The following UBA6 variants were observed in gnomAD, a reference collection of about 807,000 sequenced individuals.
The protein encoded by UBA6 is ubiquitin-like modifier-activating enzyme 6.
UBA6 carries 87 observed loss-of-function variants against 148.3 expected under a neutral mutation model. That is an observed-to-expected ratio of 0.59 (90% CI 0.49 to 0.70). The LOEUF is 0.70. UBA6 is among the 30% of genes least tolerant of loss of function. The pLI is 0.00. For synonymous variants in UBA6, 376 were observed against 401.0 expected (o/e 0.94, Z 0.75); for missense variants, 1,186 against 1,241.2 (o/e 0.96, Z 0.67).
At chr4:67,689,053 C>T (rs1386744724) in intron 2 of UBA6, among the ~76,000 whole-genome samples, 6 of 152,064 alleles carry the variant, frequency 3.9e-5, no homozygotes, top group Admixed American at 3.9e-4. Flanking sequence ...TCAGTAGAAA[C>T]CATACTTTGG....
chr4:67,682,285 A>C (rs1730462344), intron 2 of UBA6, 72 bp from the exon 3 acceptor site: 2 of 1,188,118 alleles, frequency 1.7e-6, no homozygotes, highest in Non-Finnish European at 2.5e-6. Flanking sequence ...AGTTGTTTGC[A>C]AACTAAAAGC....
At chr4:67,628,970 G>T in intron 27 of UBA6, 101 bp downstream of exon 27, 1 of 828,834 alleles carries the variant, frequency 1.2e-6, no homozygotes, top group Non-Finnish European at 2.1e-6. Flanking sequence ...AAGAGCAAGA[G>T]CAAGAACCAT....
At chr4:67,631,584 G>A in intron 25 of UBA6, 124 bp downstream of exon 25, 1 of 727,014 alleles carries the variant, frequency 1.4e-6, no homozygotes, top group Non-Finnish European at 2.2e-6. Context: ...ACTCTTAAAT[G>A]AACAGGGATG....
intron 11 of UBA6, 86 bp downstream of exon 11, chr4:67,663,799 G>T: frequency 8.7e-7 from 1 of 1,155,004 alleles, no homozygotes; most frequent in Non-Finnish European, 1.3e-6. Flanking sequence ...TACCTACATG[G>T]TTATTCCATT....
chr4:67,700,712 G>T (rs1730959015), intron 1 of UBA6, among the ~76,000 whole-genome samples: 1 of 152,130 alleles, frequency 6.6e-6, no homozygotes, highest in Non-Finnish European at 1.5e-5. Flanking sequence ...ACCAGTCGGG[G>T]AAGCTCACGC....
At chr4:67,682,090 C>CATA (rs1553909902) in intron 3 of UBA6, 29 bp downstream of exon 3, 1 of 1,161,548 alleles carries the variant, frequency 8.6e-7, no homozygotes, top group African/African-American at 1.7e-5. Context: ...TCAAAAGTGT[C>CATA]AAAAATTAGG....
Position 67,623,206 on chromosome 4 carries a change from T to C in UBA6, c.2857A>G (p.Thr953Ala), listed in dbSNP as rs1462518739. 1.9e-6 allele frequency: 3 copies of C among 1,611,720 alleles called. No homozygotes were observed. The highest frequency in any genetic ancestry group is 2.5e-6 in the Non-Finnish European group (3 of 1,178,404). Residue 953 changes from threonine (T) to alanine (A), a missense_variant, in exon 31 of 33, where the codon ACA (threonine) becomes GCA (alanine). By Grantham distance (58) the Thr-to-Ala change is moderately conservative. Transcript: ENST00000322244. ...KTKIRNGISF[T>A]IWDRWTVHGK... is the part of the protein sequence containing the mutation. ...TGTACGGTCCATCGATCCCAAATTGTAAATGATATTCCATTTCTGTTACAG... is the reference window on the plus strand; with the variant it reads ...TGTACGGTCCATCGATCCCAAATTGCAAATGATATTCCATTTCTGTTACAG...
intron 8 of UBA6, 90 bp downstream of exon 8, chr4:67,670,380 G>A: frequency 8.7e-7 from 1 of 1,145,066 alleles, no homozygotes; most frequent in Non-Finnish European, 1.3e-6. Context: ...TTTGCACACT[G>A]CAATACTTTG....
rs2109915775 is a variant in UBA6 at position 67,644,712 on chromosome 4, T to C, written c.1462A>G (p.Lys488Glu). The C allele has an allele frequency of 1.3e-6, 2 of 1,599,884 alleles. No individual in the cohort carries two copies. Among genetic ancestry groups the C allele is most frequent in the South Asian group, 1.1e-5 (1 of 90,770 alleles). ...TGATATCTTACCATTCCTTTCTCTT[T>C]GCTTGTGCCAACACCAAGTAAAGCA... ...NFALLGVGTS[K>E]EKGMITVTDP... The change falls in exon 17 of 33, where the codon AAA (lysine) becomes GAA (glutamate). Residue 488 changes from lysine to glutamate, a missense_variant. Transcript: ENST00000322244.
chr4:67,665,403 C>T, intron 9 of UBA6, 111 bp from the exon 10 acceptor site: 2 of 660,330 alleles, frequency 3.0e-6, no homozygotes, highest in East Asian at 3.3e-5. Flanking sequence ...TTAAAGAATT[C>T]CAGCATAGTG....
intron 19 of UBA6, among the ~76,000 whole-genome samples, chr4:67,636,455 T>C (rs1031723500): frequency 6.6e-6 from 1 of 152,360 alleles, no homozygotes; most frequent in African/African-American, 2.4e-5. Context: ...GAAGCTGGAC[T>C]GTACTGCTGC....
intron 2 of UBA6, among the ~76,000 whole-genome samples, chr4:67,694,215 CAAAAAAAAAAAAAAAAAAAAA>C (rs769649769): frequency 2.4e-5 from 1 of 41,852 alleles, no homozygotes; most frequent in Non-Finnish European, 4.0e-5. Flanking sequence ...GACTCCATCT[CAAAAAAAAAAAAAAAAAAAAA>C]AAAAAAAAGA....
intron 23 of UBA6, among the ~76,000 whole-genome samples, chr4:67,632,426 A>T (rs1031302827): frequency 6.6e-6 from 1 of 152,186 alleles, no homozygotes; most frequent in African/African-American, 2.4e-5. Context: ...GTAATTGACA[A>T]TTACATTAGG....
chr4:67,687,772 C>T (rs1316899206), intron 2 of UBA6, among the ~76,000 whole-genome samples: 5 of 152,158 alleles, frequency 3.3e-5, no homozygotes, highest in Non-Finnish European at 7.3e-5. Flanking sequence ...TAAGGATAAT[C>T]GCTTCCAGCT....
intron 9 of UBA6, among the ~76,000 whole-genome samples, chr4:67,667,245 A>T (rs1171849894): frequency 1.3e-5 from 2 of 152,190 alleles, no homozygotes; most frequent in Non-Finnish European, 2.9e-5. Flanking sequence ...ACCTGTATTC[A>T]AAATAATTAG....
chr4:67,688,442 C>T (rs1374219742), intron 2 of UBA6, among the ~76,000 whole-genome samples: 1 of 152,006 alleles, frequency 6.6e-6, no homozygotes, highest in African/African-American at 2.4e-5. Context: ...AGAGAGAACT[C>T]AGAATACCAT....
chr4:67,634,080 ATG>A (rs1312524356), intron 22 of UBA6, among the ~76,000 whole-genome samples, 160 bp downstream of exon 22: 3 of 152,100 alleles, frequency 2.0e-5, no homozygotes, highest in Non-Finnish European at 2.9e-5. Flanking sequence ...AACAACCAAA[ATG>A]ATAATTTGTG....
At chr4:67,687,043 T>G (rs1162363951) in intron 2 of UBA6, among the ~76,000 whole-genome samples, 3 of 146,396 alleles carry the variant, frequency 2.0e-5, no homozygotes, top group African/African-American at 7.5e-5. Flanking sequence ...TGTTTTTTTT[T>G]TTTTTTTTTT....
rs1470509489 is a variant in UBA6, at chr4:67,633,313, C to A, written c.2142+32G>T. Reference sequence around the variant, plus strand: ...AATAACTAAATAAGCCAAGATCAGACCTTTTCTTAATGTCTCACAATGCAT... The same window carrying A: ...AATAACTAAATAAGCCAAGATCAGAACTTTTCTTAATGTCTCACAATGCAT... On this transcript the variant is annotated intron_variant, in intron 23 of 32. Coordinates refer to ENST00000322244, the MANE Select transcript of UBA6 (RefSeq NM_018227.6). 2.6e-6 allele frequency: 4 copies of A among 1,538,210 alleles called. No individual in the cohort carries two copies. The South Asian group carries it at 5.1e-5, about 19-fold the overall frequency.
Sources: allele counts gnomAD v4.1 joint callset (sites outside exome capture counted in the v4.1 genomes callset), GRCh38; gene constraint gnomAD v4.1.1; transcripts MANE v1.5; gene names NCBI Gene and HGNC (gene_info 2026-07-23, HGNC 2026-07-21).